Variants in ADGRL2 observed in about 807,000 individuals in gnomAD.
The protein encoded by ADGRL2 is adhesion G protein-coupled receptor L2.
Under a neutral mutation model 157.4 loss-of-function variants are expected in ADGRL2, and 44 were observed. That is an observed-to-expected ratio of 0.28 (90% CI 0.22 to 0.36). The LOEUF (loss-of-function observed/expected upper bound fraction) is 0.36. Ranked by LOEUF, ADGRL2 falls within the 10% of genes least tolerant of loss-of-function variation. The pLI is 1.00. For synonymous variants in ADGRL2, 585 were observed against 624.7 expected, an observed-to-expected ratio of 0.94 and a Z score of 0.95; for missense variants, 1,510 against 1,768.9, an observed-to-expected ratio of 0.85 and a Z score of 2.63.
intron 1 of ADGRL2, among the ~76,000 whole-genome samples, chr1:81,803,440 C>A (rs1448108529): frequency 6.6e-6 from 1 of 152,008 alleles, no homozygotes; most frequent in African/African-American, 2.4e-5. Flanking sequence ...TTTTTCCCCC[C>A]CTCCAATCCT....
chr1:81,867,177 T>G (rs2093565353), intron 2 of ADGRL2, among the ~76,000 whole-genome samples: 1 of 152,194 alleles, frequency 6.6e-6, no homozygotes, highest in Non-Finnish European at 1.5e-5. Context: ...TACTTGCTTT[T>G]GGGTAATAAA....
rs1041683677 is a variant in ADGRL2, at chr1:81,987,855, A to T, written c.3638-14A>T. 5 of 339,672 alleles carry T rather than the reference A, an allele frequency of 1.5e-5. No homozygotes were observed. The highest frequency in any genetic ancestry group is 4.0e-4 in the Middle Eastern group (1 of 2,530). The allele number at this position is 339,672 out of a possible 1,614,324, so 21.0% of individuals were successfully genotyped here. On this transcript the variant is annotated splice_polypyrimidine_tract_variant and intron_variant, in intron 22 of 23. Coordinates refer to ENST00000686636, the MANE Select transcript of ADGRL2 (RefSeq NM_001366006.2). ...TCTCTTGTTTTTTTTCACTTTCCTTATGCTTTCCTCTAGCAACCTACAGAG... is the reference window on the plus strand; with the variant it reads ...TCTCTTGTTTTTTTTCACTTTCCTTTTGCTTTCCTCTAGCAACCTACAGAG...
At chr1:81,613,146 T>G (rs2081576246) in intron 3 of ADGRL2, among the ~76,000 whole-genome samples, 1 of 152,222 alleles carries the variant, frequency 6.6e-6, no homozygotes, top group South Asian at 2.1e-4. Flanking sequence ...GGCTAGTTAC[T>G]TAACCTAACA....
intron 2 of ADGRL2, among the ~76,000 whole-genome samples, chr1:81,865,690 A>G (rs1045578887): frequency 3.9e-5 from 6 of 152,168 alleles, no homozygotes; most frequent in Admixed American, 3.9e-4. Context: ...TTAGGGAGAC[A>G]ATTCATCACC....
At position 81,599,095 on chromosome 1, in the gene ADGRL2, G is replaced by A. The variant is rs1162660915; in HGVS notation, c.-143+18115G>A. Among the ~76,000 whole-genome samples, 4 of 152,214 alleles carry A rather than the reference G, an allele frequency of 2.6e-5. No individual in the cohort carries two copies. In the East Asian group the frequency reaches 7.7e-4, roughly 29 times the overall value. ...CACTGAAGCCTTTGTTCTGCAACAG[G>A]CCATTATGCTACAACTTCTTACAAT... On this transcript the variant is annotated intron_variant, in intron 3 of 24. Coordinates refer to the ADGRL2 transcript ENST00000370721.
chr1:81,359,239 C>T (rs1429968194), intron 1 of ADGRL2, among the ~76,000 whole-genome samples: 1 of 151,936 alleles, frequency 6.6e-6, no homozygotes, highest in African/African-American at 2.4e-5. Flanking sequence ...TAGCCTAATA[C>T]GTATATTTGA....
intron 2 of ADGRL2, among the ~76,000 whole-genome samples, chr1:81,507,982 T>C (rs1324375): frequency 0.4 from 60,135 of 152,114 alleles, 16,168 homozygotes; most frequent in African/African-American, 0.76. Flanking sequence ...TTTCTTTCCT[T>C]TCCAATCTCC....
chr1:81,540,356 G>A (rs910749800), intron 2 of ADGRL2, among the ~76,000 whole-genome samples: 3 of 152,064 alleles, frequency 2.0e-5, no homozygotes, highest in African/African-American at 7.2e-5. Context: ...AATATGTATT[G>A]AACACTTACC....
At chr1:81,335,784 C>T (rs370764080) in intron 1 of ADGRL2, among the ~76,000 whole-genome samples, 12 of 151,646 alleles carry the variant, frequency 7.9e-5, no homozygotes, top group African/African-American at 2.9e-4. Context: ...GTATTAAATC[C>T]TACTGATAGC....
chr1:81,765,335 GA>G (rs1301462729), intron 2 of ADGRL2, among the ~76,000 whole-genome samples: 1 of 151,774 alleles, frequency 6.6e-6, no homozygotes, highest in Non-Finnish European at 1.5e-5. Flanking sequence ...CATTTTAGAA[GA>G]AAAATGAACA....
intron 2 of ADGRL2, among the ~76,000 whole-genome samples, chr1:81,461,947 G>T (rs2077940968): frequency 6.8e-6 from 1 of 147,972 alleles, no homozygotes; most frequent in Non-Finnish European, 1.5e-5. Context: ...GGGGGGTGGT[G>T]GAGAAAGAGA....
At chr1:81,959,951 C>T (rs940267792) in intron 11 of ADGRL2, among the ~76,000 whole-genome samples, 1 of 151,982 alleles carries the variant, frequency 6.6e-6, no homozygotes, top group African/African-American at 2.4e-5. Context: ...CATGTGCTCA[C>T]CACCATGCCT....
rs144948183 is a variant in ADGRL2 at position 81,719,874 on chromosome 1, C to T, written c.-143+20066C>T. ...GGGGGCCTTTCTGCAAGTGGGCTAT[C>T]CTCTACCTGGTAGTCTATTTTTAAA... On this transcript the variant is annotated intron_variant, in intron 1 of 20. Transcript: ENST00000359929. Among the ~76,000 whole-genome samples, 7 of 152,256 alleles carry T rather than the reference C, an allele frequency of 4.6e-5. No individual in the cohort carries two copies. The East Asian group carries it at 1.4e-3, about 29-fold the overall frequency.
intron 1 of ADGRL2, among the ~76,000 whole-genome samples, chr1:81,321,910 G>A (rs1410314675): frequency 6.6e-6 from 1 of 151,360 alleles, no homozygotes; most frequent in Non-Finnish European, 1.5e-5. Context: ...AAACACAGTA[G>A]CTGCAAAGCG....
intron 2 of ADGRL2, among the ~76,000 whole-genome samples, chr1:81,775,835 C>A (rs970509196): frequency 3.3e-5 from 5 of 152,276 alleles, no homozygotes; most frequent in African/African-American, 9.6e-5. Context: ...CCTTGGGCTA[C>A]TTCTCCTTTT....
chr1:81,423,282 A>G (rs1042334836), intron 1 of ADGRL2, among the ~76,000 whole-genome samples: 3 of 152,200 alleles, frequency 2.0e-5, no homozygotes, highest in Non-Finnish European at 4.4e-5. Flanking sequence ...ATAGGACTGT[A>G]CTCATATTCA....
At chr1:81,780,819 T>C (rs2086781502) in intron 2 of ADGRL2, among the ~76,000 whole-genome samples, 1 of 152,174 alleles carries the variant, frequency 6.6e-6, no homozygotes, top group Non-Finnish European at 1.5e-5. Context: ...TGAAATGTGC[T>C]TACTTTGTTG....
chr1:81,406,185 T>A (rs2076850697), intron 1 of ADGRL2, among the ~76,000 whole-genome samples: 1 of 152,204 alleles, frequency 6.6e-6, no homozygotes, highest in South Asian at 2.1e-4. Context: ...AGTTTTTACA[T>A]CATGAAATTT....
At chr1:81,850,308 G>A (rs373440736) in intron 2 of ADGRL2, among the ~76,000 whole-genome samples, 1 of 148,294 alleles carries the variant, frequency 6.7e-6, no homozygotes, top group Non-Finnish European at 1.5e-5. Flanking sequence ...AGTTCTCTTC[G>A]TTGTCTTCTT....
Sources: allele counts gnomAD v4.1 joint callset (sites outside exome capture counted in the v4.1 genomes callset), GRCh38; gene constraint gnomAD v4.1.1; transcripts MANE v1.5; gene names NCBI Gene and HGNC (gene_info 2026-07-23, HGNC 2026-07-21).